Variants in OPHN1 observed in about 807,000 individuals in gnomAD.
The protein encoded by OPHN1 is oligophrenin 1.
Under a neutral mutation model 60.7 loss-of-function variants are expected in OPHN1, and 11 were observed. The ratio of observed to expected loss-of-function variants is 0.18; its 90% CI spans 0.11 to 0.30. OPHN1 has a LOEUF of 0.30. OPHN1 is among the 10% of genes least tolerant of loss of function. The pLI, the probability that OPHN1 is intolerant of heterozygous loss-of-function variation, is 1.00. For missense variants in OPHN1, 449 were observed against 611.0 expected, an observed-to-expected ratio of 0.73 and a Z score of 2.80; for synonymous variants, 226 against 222.6, an observed-to-expected ratio of 1.02 and a Z score of -0.14.
chrX:68,127,868 T>C (rs898089814), intron 15 of OPHN1, among the ~76,000 whole-genome samples: 2 of 111,674 alleles, frequency 1.8e-5, no homozygotes, highest in Non-Finnish European at 3.8e-5. Context: ...TGAGTCCTGA[T>C]ACTTTTTAAA....
chrX:68,270,484 C>G (rs1250366219), intron 5 of OPHN1, among the ~76,000 whole-genome samples: 5 of 105,459 alleles, frequency 4.7e-5, no homozygotes, highest in Non-Finnish European at 9.7e-5. Flanking sequence ...CAAATTATCA[C>G]AAGGACAAAA....
intron 2 of OPHN1, among the ~76,000 whole-genome samples, chrX:68,314,575 A>C (rs1370315177): frequency 9.0e-6 from 1 of 111,607 alleles, no homozygotes; most frequent in African/African-American, 3.3e-5. Context: ...AAAGCCCTGG[A>C]CCAGGTGGTT....
chrX:68,303,094 C>T (rs775848201), intron 2 of OPHN1, among the ~76,000 whole-genome samples: 14 of 111,292 alleles, frequency 1.3e-4, no homozygotes, highest in East Asian at 2.8e-4. Context: ...AAAAGACATC[C>T]GATGTTCAAT....
chrX:68,052,722 GC>G, intron 22 of OPHN1, 132 bp from the exon 23 acceptor site: 1 of 567,620 alleles, frequency 1.8e-6, no homozygotes, highest in Non-Finnish European at 3.0e-6. Context: ...GCTGGCAAAG[GC>G]CCTACACATA....
At chrX:68,293,140 T>C (rs1162478246) in intron 3 of OPHN1, among the ~76,000 whole-genome samples, 1 of 111,951 alleles carries the variant, frequency 8.9e-6, no homozygotes, top group Non-Finnish European at 1.9e-5. Flanking sequence ...TTTTTCATTT[T>C]AGCCATTCCT....
In OPHN1 at chrX:68,045,174, CTCTTTTACTCCTGGTT is replaced by C. The variant is rs777851156; in HGVS notation, c.*1982_*1997del. The C allele has an allele frequency of 9.0e-6, 1 of 111,550 alleles. No individual in the cohort carries two copies. Among genetic ancestry groups the C allele is most frequent in the South Asian group, 3.9e-4 (1 of 2,586 alleles). The allele number at this position is 111,550 out of a possible 1,213,427, so 9.2% of individuals were successfully genotyped here. ...AGCAGGTGAAATGATGGTCACTTGA[CTCTTTTACTCCTGGTT>C]TCTTAGCAACCTGGCCTTTGAGACT... On this transcript the variant is annotated 3_prime_UTR_variant, in exon 25 of 25. Transcript: ENST00000355520.
chrX:68,189,963 A>G (rs1192764696), intron 15 of OPHN1, among the ~76,000 whole-genome samples: 1 of 109,359 alleles, frequency 9.1e-6, no homozygotes, highest in East Asian at 2.9e-4. Context: ...TTTGACTAGC[A>G]CAGAGCATGA....
chrX:68,053,333 A>T (rs1031359464), intron 22 of OPHN1, among the ~76,000 whole-genome samples: 9 of 112,752 alleles, frequency 8.0e-5, no homozygotes, highest in Admixed American at 3.7e-4. Flanking sequence ...AAATTTTTTT[A>T]AAAAATATCC....
In OPHN1 at chrX:68,228,264, T is replaced by C. The variant is rs184794764; in HGVS notation, c.486+6223A>G. Among the ~76,000 whole-genome samples, 164 of 111,664 alleles carry C rather than the reference T, an allele frequency of 1.5e-3. 2 individuals carry two copies. In the East Asian group the frequency reaches 0.04, roughly 27 times the overall value. On this transcript the variant is annotated intron_variant, in intron 6 of 24. Coordinates refer to ENST00000355520, the MANE Select transcript of OPHN1 (RefSeq NM_002547.3). The stretch of plus-strand genomic sequence containing the variant: ...CAGGCTCTGAAATTGAGGCAATAAT[T>C]AATAGCCTACCAACCAAAAAAAGTC...
intron 15 of OPHN1, among the ~76,000 whole-genome samples, chrX:68,152,805 C>T (rs746678065): frequency 8.7e-4 from 97 of 111,344 alleles, no homozygotes; most frequent in South Asian, 1.5e-3. Context: ...TAGCTCCTTA[C>T]GGTCAGCAAG....
chrX:68,400,389 A>C (rs1285515404), intron 2 of OPHN1, among the ~76,000 whole-genome samples: 2 of 110,307 alleles, frequency 1.8e-5, no homozygotes, highest in African/African-American at 3.3e-5. Flanking sequence ...TCAGCATGAG[A>C]TATTGTATTA....
At chrX:68,415,100 G>A (rs1400663938) in intron 2 of OPHN1, among the ~76,000 whole-genome samples, 1 of 111,261 alleles carries the variant, frequency 9.0e-6, no homozygotes, top group East Asian at 2.8e-4. Context: ...TGATTTAGGT[G>A]GCTAGGAAGC....
intron 8 of OPHN1, 76 bp downstream of exon 8, chrX:68,212,032 C>T (rs1286418843): frequency 8.2e-6 from 6 of 735,686 alleles, no homozygotes; most frequent in Non-Finnish European, 1.3e-5. Flanking sequence ...CCTAGAATTC[C>T]AAGAATCAAG....
At chrX:68,279,569 C>G (rs759696965) in intron 4 of OPHN1, among the ~76,000 whole-genome samples, 7 of 111,158 alleles carry the variant, frequency 6.3e-5, no homozygotes, top group Non-Finnish European at 1.3e-4. Context: ...CTAAAGCTTA[C>G]TTTGGACTCT....
chrX:68,332,310 G>T (rs376485010), intron 2 of OPHN1, among the ~76,000 whole-genome samples: 1 of 111,166 alleles, frequency 9.0e-6, no homozygotes, highest in Non-Finnish European at 1.9e-5. Context: ...TGGGGTTAGA[G>T]ACATGGTGAG....
intron 15 of OPHN1, among the ~76,000 whole-genome samples, chrX:68,144,744 T>C (rs1170240825): frequency 2.7e-5 from 3 of 112,018 alleles, no homozygotes; most frequent in African/African-American, 9.7e-5. Context: ...AAAAGAATAA[T>C]GGCATTCATT....
chrX:68,088,868 G>GTTA (rs2077005545), intron 19 of OPHN1, among the ~76,000 whole-genome samples: 1 of 110,721 alleles, frequency 9.0e-6, no homozygotes, highest in Non-Finnish European at 1.9e-5. Context: ...AAGTTGGGAT[G>GTTA]TAACCCCTGG....
intron 15 of OPHN1, among the ~76,000 whole-genome samples, chrX:68,125,958 CAT>C (rs1336735172): frequency 7.1e-5 from 1 of 14,100 alleles, no homozygotes; most frequent in African/African-American, 2.2e-4. Context: ...TATATATATA[CAT>C]ACACACACAC....
At chrX:68,291,055 T>C (rs1194068662) in intron 3 of OPHN1, among the ~76,000 whole-genome samples, 1 of 111,922 alleles carries the variant, frequency 8.9e-6, no homozygotes, top group African/African-American at 3.2e-5. Flanking sequence ...TAAGATCATG[T>C]AGTCAGTAAA....
Sources: gnomAD v4.1 joint callset for allele counts (sites outside exome capture counted in the v4.1 genomes callset) on GRCh38, gnomAD v4.1.1 for gene constraint, MANE v1.5 for transcripts, NCBI Gene and HGNC (gene_info 2026-07-23, HGNC 2026-07-21) for gene names.